TGFB3: variants seen among roughly 807,000 people sequenced by gnomAD.
The protein encoded by TGFB3 is transforming growth factor beta 3.
TGFB3 carries 5 observed loss-of-function variants against 40.1 expected under a neutral mutation model. The observed-to-expected ratio is 0.12, with a 90% confidence interval of 0.07 to 0.26. The LOEUF (loss-of-function observed/expected upper bound fraction) is 0.26. TGFB3 is among the 10% of genes least tolerant of loss of function. The pLI, the probability that TGFB3 is intolerant of heterozygous loss-of-function variation, is 1.00. For missense variants in TGFB3, 373 were observed against 530.1 expected, an observed-to-expected ratio of 0.70 and a Z score of 2.91; for synonymous variants, 184 against 205.6, an observed-to-expected ratio of 0.89 and a Z score of 0.90.
chr14:75,965,878 G>T, intron 3 of TGFB3, 183 bp from the exon 4 acceptor site: 1 of 631,008 alleles, frequency 1.6e-6, no homozygotes, highest in East Asian at 2.8e-5. Context: ...TCAAGCGCAC[G>T]TTGCCACATT....
intron 3 of TGFB3, among the ~76,000 whole-genome samples, chr14:75,967,511 G>A (rs2035233966): frequency 6.6e-6 from 1 of 152,160 alleles, no homozygotes; most frequent in Non-Finnish European, 1.5e-5. Context: ...CTGGTTCAAG[G>A]CAGGCTGGAA....
rs1164387889 is a variant in TGFB3 at position 75,980,557 on chromosome 14, C to T, written c.337G>A (p.Gly113Arg). ...TTGGACTTACTGTGCTCCGCCAGCC[C>T]CTGGATCATGTCGAATTTATGGATT... Reference protein sequence around the residue: ...KEIHKFDMIQGLAEHNELAVC... With the variant: ...KEIHKFDMIQRLAEHNELAVC... Residue 113 changes from glycine (G) to arginine (R), a missense_variant, in exon 1 of 7, where the codon GGG becomes AGG. Transcript: ENST00000238682. This position sits in a 1 kb window ranked among gnomAD's most constrained non-coding sequence, Gnocchi z 4.3. 12 of 1,614,254 alleles carry T rather than the reference C, an allele frequency of 7.4e-6. No individual in the cohort carries two copies. The highest frequency in any genetic ancestry group is 1.0e-5 in the Non-Finnish European group (12 of 1,180,046).
At chr14:75,976,943 T>C (rs753323726) in intron 1 of TGFB3, among the ~76,000 whole-genome samples, 4 of 152,042 alleles carry the variant, frequency 2.6e-5, no homozygotes, top group Non-Finnish European at 4.4e-5. Flanking sequence ...AAATACAGGT[T>C]CCCCAAGACT....
chr14:75,958,987 A>G lies in TGFB3; in HGVS notation c.*200T>C, dbSNP rs1411609962. 3 of 664,894 alleles carry G rather than the reference A, an allele frequency of 4.5e-6. No homozygotes were observed. Among genetic ancestry groups the G allele is most frequent in the East Asian group, 2.9e-5 (1 of 34,112 alleles). The allele number at this position is 664,894 out of a possible 1,614,324, so 41.2% of individuals were successfully genotyped here. On this transcript the variant is annotated 3_prime_UTR_variant, in exon 7 of 7. Transcript: ENST00000238682. ...TCAGCCTTCCTCTAACCAAACCCAC[A>G]CTTTCTTTACCACCGTGATTCTCAG... is the stretch of plus-strand genomic sequence containing the variant.
chr14:75,975,459 A>G (rs755551668), intron 1 of TGFB3, among the ~76,000 whole-genome samples: 1 of 152,256 alleles, frequency 6.6e-6, no homozygotes, highest in Non-Finnish European at 1.5e-5. Flanking sequence ...AAATTCACTG[A>G]ATAATGATGT....
intron 4 of TGFB3, among the ~76,000 whole-genome samples, chr14:75,965,082 C>T (rs1415330811): frequency 2.0e-5 from 3 of 152,168 alleles, no homozygotes; most frequent in Admixed American, 6.5e-5. Flanking sequence ...CCCTGAGGCT[C>T]GAAGCAATCA....
At chr14:75,970,939 G>T in intron 3 of TGFB3, 187 bp downstream of exon 3, 1 of 772,288 alleles carries the variant, frequency 1.3e-6, no homozygotes, top group East Asian at 2.8e-5. Context: ...TGCATCCCCA[G>T]GGCCTGTCTT....
At chr14:75,970,901 TATTTCTCATA>T (rs1310348215) in intron 3 of TGFB3, 10 of 546,218 alleles carry the variant, frequency 1.8e-5, no homozygotes, top group Middle Eastern at 1.0e-3. Context: ...GCCCTCTTTC[TATTTCTCATA>T]GTTCCTATCC....
At chr14:75,975,580 G>C (rs2035344776) in intron 1 of TGFB3, among the ~76,000 whole-genome samples, 1 of 152,150 alleles carries the variant, frequency 6.6e-6, no homozygotes, top group African/African-American at 2.4e-5. Flanking sequence ...AACAACCCCT[G>C]AGAAGAATGA....
chr14:75,967,479 C>T (rs1348656080), intron 3 of TGFB3, among the ~76,000 whole-genome samples: 1 of 152,196 alleles, frequency 6.6e-6, no homozygotes, highest in African/African-American at 2.4e-5. Flanking sequence ...TACCTAACAA[C>T]ACAGTGTACC....
intron 3 of TGFB3, chr14:75,970,677 A>T (rs2035280448): frequency 7.9e-6 from 1 of 125,994 alleles, no homozygotes; most frequent in African/African-American, 3.4e-5. Context: ...TCCCCAGCTC[A>T]CCATGCTCCA....
chr14:75,969,982 TC>T (rs1662536694), intron 3 of TGFB3, among the ~76,000 whole-genome samples: 2 of 152,198 alleles, frequency 1.3e-5, no homozygotes, highest in Non-Finnish European at 1.5e-5. Context: ...TTTTCCTGCC[TC>T]TTCCCTTGAC....
intron 1 of TGFB3, among the ~76,000 whole-genome samples, chr14:75,975,636 A>G (rs141894896): frequency 7.9e-5 from 12 of 152,364 alleles, no homozygotes; most frequent in Non-Finnish European, 1.6e-4. Flanking sequence ...ACTGAGCCTC[A>G]AAAAGTTAAA....
chr14:75,965,485 C>T (rs2035210170), intron 4 of TGFB3, 103 bp downstream of exon 4: 1 of 966,676 alleles, frequency 1.0e-6, no homozygotes, highest in Admixed American at 1.7e-5. Context: ...TCTGAAGGAG[C>T]TTGGTTTCTT....
chr14:75,971,507 G>A lies in TGFB3; in HGVS notation c.516+48C>T. ...CCAGTGGTGCCCTGATATGGCAAAG[G>A]AACCAGCTTTCCCGTCGGTGTGGTT... On this transcript the variant is annotated intron_variant, in intron 2 of 6. Transcript: ENST00000238682. The surrounding 1 kb of genome is among the most constrained non-coding windows in gnomAD (Gnocchi z 4.5). 1.2e-6 allele frequency: 2 copies of A among 1,610,848 alleles called. No homozygotes were observed. The highest frequency in any genetic ancestry group is 1.7e-6 in the Non-Finnish European group (2 of 1,178,764).
intron 1 of TGFB3, among the ~76,000 whole-genome samples, chr14:75,977,656 CAAA>C (rs1196922250): frequency 1.2e-4 from 8 of 67,358 alleles, no homozygotes; most frequent in Admixed American, 1.6e-4. Context: ...ATCTCCCGGG[CAAA>C]AAAAAAAAAA....
intron 5 of TGFB3, among the ~76,000 whole-genome samples, chr14:75,962,802 C>G (rs2035173427): frequency 6.6e-6 from 1 of 152,222 alleles, no homozygotes. Flanking sequence ...TTCTATCTCT[C>G]TATTGTGGCT....
intron 3 of TGFB3, among the ~76,000 whole-genome samples, chr14:75,969,895 G>T (rs1051696432): frequency 6.6e-6 from 1 of 152,164 alleles, no homozygotes; most frequent in Non-Finnish European, 1.5e-5. Flanking sequence ...CCATCTGATC[G>T]TCATATCCAC....
intron 3 of TGFB3, chr14:75,966,010 C>T: frequency 2.6e-6 from 1 of 387,588 alleles, no homozygotes; most frequent in South Asian, 2.2e-5. Context: ...TTGTCACCTA[C>T]CTACTTGGAG....
Sources: allele counts gnomAD v4.1 joint callset (sites outside exome capture counted in the v4.1 genomes callset), GRCh38; gene constraint gnomAD v4.1.1; non-coding constraint Gnocchi (gnomAD v3.1); transcripts MANE v1.5; gene names NCBI Gene and HGNC (gene_info 2026-07-23, HGNC 2026-07-21).